The following TBC1D12 variants were observed in gnomAD, a reference collection of about 807,000 sequenced individuals.
TBC1D12 encodes the protein TBC1 domain family member 12.
In TBC1D12, 56 loss-of-function variants were observed where a neutral mutation model predicts 86.7. The observed-to-expected ratio is 0.65, with a 90% CI of 0.52 to 0.81. TBC1D12 has a LOEUF of 0.81. Among genes scored for constraint, TBC1D12 ranks in the 30% least tolerant of loss-of-function variants. The pLI is 0.00. For synonymous variants in TBC1D12, 421 were observed against 411.7 expected (o/e 1.02, Z -0.27); for missense variants, 1,023 against 1,038.8 (o/e 0.98, Z 0.21).
chr10:94,499,823 G>GT (rs1054455783), intron 5 of TBC1D12, among the ~76,000 whole-genome samples: 6 of 152,048 alleles, frequency 3.9e-5, no homozygotes, highest in African/African-American at 9.7e-5. Context: ...AAAGCCGACA[G>GT]TTTTTTTTAG....
At chr10:94,507,395 A>G in intron 7 of TBC1D12, 48 bp downstream of exon 7, 2 of 1,479,344 alleles carry the variant, frequency 1.4e-6, no homozygotes, top group Non-Finnish European at 1.9e-6. Flanking sequence ...AAATTCAGAT[A>G]CTGAGCATGT....
At chr10:94,435,990 TTTATTCTTTCTCCA>T (rs151215226) in intron 1 of TBC1D12, among the ~76,000 whole-genome samples, 1 of 152,322 alleles carries the variant, frequency 6.6e-6, no homozygotes, top group African/African-American at 2.4e-5. Flanking sequence ...TTCTGAGTTG[TTTATTCTTTCTCCA>T]TTGATTAATT....
At chr10:94,451,858 A>G (rs1438364289) in intron 2 of TBC1D12, among the ~76,000 whole-genome samples, 6 of 152,020 alleles carry the variant, frequency 3.9e-5, no homozygotes, top group Non-Finnish European at 7.4e-5. Context: ...CTTGGGCATT[A>G]TATGTGTAGC....
chr10:94,522,423 G>A lies in TBC1D12; in HGVS notation c.1970G>A (p.Ser657Asn). The change falls in exon 11 of 13, where the codon AGT becomes AAT. Residue 657 changes from serine to asparagine, a missense_variant. By Grantham distance (46) the Ser-to-Asn change is conservative (BLOSUM62 1). Coordinates refer to ENST00000225235, the MANE Select transcript of TBC1D12 (RefSeq NM_015188.2). ...SKLFLHFKSY[S>N]LTPDIYLIDW... Reference sequence around the variant, plus strand: ...TTATTTCTTCACTTCAAATCTTACAGTCTTACACCAGATATATACTTGATA... The same window carrying A: ...TTATTTCTTCACTTCAAATCTTACAATCTTACACCAGATATATACTTGATA... The A allele has an allele frequency of 6.3e-6, 9 of 1,426,376 alleles. No individual in the cohort carries two copies. The highest frequency in any genetic ancestry group is 8.6e-6 in the Non-Finnish European group (9 of 1,042,450). 88.4% of individuals were successfully genotyped at this position (1,426,376 alleles called of 1,614,324 possible). A position where few individuals can be genotyped will look rare whatever the true frequency, so the allele number is the denominator to read the frequency against.
At chr10:94,486,050 AAAAC>A (rs1388713596) in intron 3 of TBC1D12, among the ~76,000 whole-genome samples, 1 of 151,724 alleles carries the variant, frequency 6.6e-6, no homozygotes, top group African/African-American at 2.4e-5. Context: ...TCTTTTCAAA[AAAAC>A]CAACTTTTTG....
rs1471633203 is a variant in TBC1D12 at position 94,403,298 on chromosome 10, A to T, written c.685A>T (p.Ser229Cys). 2.0e-6 allele frequency: 3 copies of T among 1,505,734 alleles called. No homozygotes were observed. The highest frequency in any genetic ancestry group is 2.7e-6 in the Non-Finnish European group (3 of 1,128,748). 93.3% of individuals were successfully genotyped at this position (1,505,734 alleles called of 1,614,324 possible). The change falls in exon 1 of 13, where the codon AGT becomes TGT. Residue 229 changes from serine to cysteine, a missense_variant. Around this residue, in one of 2 missense-constraint regions of TBC1D12, gnomAD observed 628 missense variants for 531.1 expected, o/e 1.18. Coordinates refer to ENST00000225235, the MANE Select transcript of TBC1D12 (RefSeq NM_015188.2). Reference protein sequence around the residue: ...SGDSPASSCSSSEDSEQRGVG... With the variant: ...SGDSPASSCSCSEDSEQRGVG... The stretch of plus-strand genomic sequence containing the variant: ...GGACAGCCCCGCCAGCAGCTGCAGC[A>T]GTAGCGAGGACTCAGAGCAGCGGGG...
intron 3 of TBC1D12, among the ~76,000 whole-genome samples, chr10:94,479,765 A>G (rs1326995779): frequency 1.3e-5 from 2 of 152,216 alleles, no homozygotes; most frequent in Non-Finnish European, 2.9e-5. Flanking sequence ...GAGCACCATC[A>G]TTGATTTATT....
At chr10:94,463,715 AGG>A (rs1012837572) in intron 2 of TBC1D12, among the ~76,000 whole-genome samples, 8 of 152,234 alleles carry the variant, frequency 5.3e-5, no homozygotes, top group African/African-American at 1.9e-4. Context: ...CCCCAAATAT[AGG>A]GGCATTACTG....
At position 94,475,452 on chromosome 10, in the gene TBC1D12, A is replaced by T. The variant is rs544876255; in HGVS notation, c.1211+669A>T. Among the ~76,000 whole-genome samples the T allele has an allele frequency of 1.7e-4, 26 of 152,066 alleles. No homozygotes were observed. In the South Asian group the frequency reaches 5.4e-3, roughly 32 times the overall value. On this transcript the variant is annotated intron_variant, in intron 3 of 12. Transcript: ENST00000225235. ...TTATTTTTAATTTTTTATTTTTGAG[A>T]CAGAGTTTTGCTCAGTCACCCAGGC...
chr10:94,450,764 G>A (rs2055538282), intron 2 of TBC1D12, among the ~76,000 whole-genome samples: 1 of 152,016 alleles, frequency 6.6e-6, no homozygotes, highest in Admixed American at 6.6e-5. Flanking sequence ...ATCAGCCTAG[G>A]TATCCCAACA....
chr10:94,501,068 GAATA>G lies in TBC1D12; in HGVS notation c.1519+745_1519+748del, dbSNP rs2056389196. 3.6e-5 allele frequency among the ~76,000 whole-genome samples: 5 copies of G among 138,814 alleles called. No individual in the cohort carries two copies. The South Asian group carries it at 9.6e-4, about 27-fold the overall frequency. 91.1% of individuals were successfully genotyped at this position (138,814 alleles called of 152,430 possible). ...GAGACTCTATCTCAAATGAATGAAT[GAATA>G]AATGAATGAATGAATGAATGAATGA... On this transcript the variant is annotated intron_variant, in intron 6 of 12. Transcript: ENST00000225235.
intron 2 of TBC1D12, among the ~76,000 whole-genome samples, chr10:94,444,346 A>G (rs992813852): frequency 6.6e-6 from 1 of 152,108 alleles, no homozygotes; most frequent in Non-Finnish European, 1.5e-5. Context: ...GTTACTGTGA[A>G]AAAAATCAGA....
intron 6 of TBC1D12, among the ~76,000 whole-genome samples, chr10:94,500,656 A>G (rs1182361475): frequency 6.6e-6 from 1 of 152,252 alleles, no homozygotes; most frequent in Non-Finnish European, 1.5e-5. Context: ...GTCAATTATG[A>G]AAAGGCTTCA....
intron 1 of TBC1D12, among the ~76,000 whole-genome samples, chr10:94,413,201 A>G (rs2054949634): frequency 6.6e-6 from 1 of 152,160 alleles, no homozygotes; most frequent in East Asian, 1.9e-4. Flanking sequence ...CAAAATACAA[A>G]TCTTTAAGTA....
intron 6 of TBC1D12, among the ~76,000 whole-genome samples, chr10:94,507,015 T>C (rs2056468410): frequency 6.6e-6 from 1 of 152,200 alleles, no homozygotes; most frequent in Non-Finnish European, 1.5e-5. Context: ...TGATACTTCT[T>C]AGCAGAAGCA....
chr10:94,461,128 T>A (rs983467866), intron 2 of TBC1D12, among the ~76,000 whole-genome samples: 1 of 152,190 alleles, frequency 6.6e-6, no homozygotes, highest in Non-Finnish European at 1.5e-5. Flanking sequence ...GTATGCCATA[T>A]AAGTTTTGCT....
intron 2 of TBC1D12, among the ~76,000 whole-genome samples, chr10:94,447,093 T>C (rs1362339170): frequency 6.6e-6 from 1 of 151,810 alleles, no homozygotes; most frequent in Non-Finnish European, 1.5e-5. Flanking sequence ...TTATGTATTA[T>C]TAGTGACACA....
chr10:94,412,764 G>A (rs950847413), intron 1 of TBC1D12, among the ~76,000 whole-genome samples: 2 of 152,226 alleles, frequency 1.3e-5, no homozygotes, highest in African/African-American at 4.8e-5. Context: ...GGCAAAGTGT[G>A]TCCTTTTTGA....
chr10:94,402,793 G>C lies in TBC1D12; in HGVS notation c.180G>C (p.Glu60Asp). The C allele has an allele frequency of 6.5e-7, 1 of 1,540,118 alleles. No individual in the cohort carries two copies. Among genetic ancestry groups the C allele is most frequent in the Non-Finnish European group, 8.8e-7 (1 of 1,142,166 alleles). The change falls in exon 1 of 13, where the codon GAG (glutamate) becomes GAC (aspartate). Residue 60 changes from glutamate to aspartate, a missense_variant. Transcript: ENST00000225235. The stretch of plus-strand genomic sequence containing the variant: ...CTGACGAGGAGGAGGAGGCTGACGA[G>C]GAGGAGGAGACGCCGCCTCGGCAGC... ...EEADEEEEAD[E>D]EEETPPRQLL...
Sources: allele counts gnomAD v4.1 joint callset (sites outside exome capture counted in the v4.1 genomes callset), GRCh38; gene constraint gnomAD v4.1.1; regional missense constraint gnomAD v4.1.1; transcripts MANE v1.5; gene names NCBI Gene and HGNC (gene_info 2026-07-23, HGNC 2026-07-21).